The following ZMYND8 variants were observed in gnomAD, a reference collection of about 807,000 sequenced individuals.
ZMYND8 encodes the protein MYND-type zinc finger-containing chromatin reader ZMYND8.
ZMYND8 carries 37 observed loss-of-function variants against 140.8 expected under a neutral mutation model. The ratio of observed to expected loss-of-function variants is 0.26; its 90% CI spans 0.20 to 0.35. ZMYND8 has a LOEUF of 0.35. ZMYND8 is among the 10% of genes least tolerant of loss of function. The pLI is 1.00. For missense variants in ZMYND8, 1,068 were observed against 1,570.0 expected (o/e 0.68, Z 5.40); for synonymous variants, 592 against 597.1 (o/e 0.99, Z 0.12).
intron 16 of ZMYND8, among the ~76,000 whole-genome samples, chr20:47,236,044 G>A (rs1205220282): frequency 6.6e-6 from 1 of 152,234 alleles, no homozygotes; most frequent in East Asian, 1.9e-4. Context: ...GTGCCTTAAT[G>A]AGTGACTTGA....
chr20:47,269,508 C>T (rs2075779586), intron 11 of ZMYND8, among the ~76,000 whole-genome samples: 1 of 152,168 alleles, frequency 6.6e-6, no homozygotes, highest in Non-Finnish European at 1.5e-5. Context: ...TACATTTTGC[C>T]CAAAGGAAGA....
intron 14 of ZMYND8, among the ~76,000 whole-genome samples, chr20:47,244,553 G>A (rs926789487): frequency 8.5e-5 from 13 of 152,126 alleles, no homozygotes; most frequent in Admixed American, 6.5e-4. Context: ...GAATATAACC[G>A]TAGCCTCTGA....
At chr20:47,299,008 T>C in intron 3 of ZMYND8, 61 bp from the exon 4 acceptor site, 2 of 1,493,394 alleles carry the variant, frequency 1.3e-6, no homozygotes, top group Non-Finnish European at 9.3e-7. Context: ...TCAAAAGGAA[T>C]TTGAACAAGT....
At chr20:47,214,673 T>C (rs534774953) in intron 21 of ZMYND8, among the ~76,000 whole-genome samples, 16 of 152,266 alleles carry the variant, frequency 1.1e-4, no homozygotes, top group African/African-American at 3.8e-4. Flanking sequence ...TTTTGTACTT[T>C]TAGTAGAGAC....
intron 3 of ZMYND8, among the ~76,000 whole-genome samples, chr20:47,307,762 G>A (rs575985544): frequency 6.6e-6 from 1 of 151,982 alleles, no homozygotes; most frequent in East Asian, 1.9e-4. Context: ...GGGAGGCAAA[G>A]GTTGCAGAGA....
intron 1 of ZMYND8, among the ~76,000 whole-genome samples, chr20:47,349,435 C>T (rs1472730045): frequency 6.6e-6 from 1 of 152,164 alleles, no homozygotes; most frequent in Admixed American, 6.5e-5. Flanking sequence ...TTAAACACAT[C>T]GCTTATATGC....
intron 20 of ZMYND8, 143 bp downstream of exon 20, chr20:47,221,171 C>CCACA: frequency 8.6e-7 from 1 of 1,165,258 alleles, no homozygotes; most frequent in East Asian, 2.4e-5. Context: ...CTCCATGTTC[C>CCACA]CACACATCCA....
At chr20:47,248,213 T>C (rs2073888751) in intron 13 of ZMYND8, among the ~76,000 whole-genome samples, 1 of 152,194 alleles carries the variant, frequency 6.6e-6, no homozygotes, top group Admixed American at 6.5e-5. Flanking sequence ...AGACAATCTA[T>C]ATGCAGTGCT....
intron 9 of ZMYND8, among the ~76,000 whole-genome samples, chr20:47,282,468 TAATCCC>T (rs2076663614): frequency 6.6e-6 from 1 of 152,196 alleles, no homozygotes; most frequent in Non-Finnish European, 1.5e-5. Context: ...CTCACGCCTG[TAATCCC>T]AGCACTTTGG....
At chr20:47,235,821 G>A (rs537734206) in intron 16 of ZMYND8, among the ~76,000 whole-genome samples, 18 of 152,194 alleles carry the variant, frequency 1.2e-4, no homozygotes, top group Admixed American at 8.5e-4. Context: ...CCACTTAATG[G>A]GGACTGTGCC....
intron 12 of ZMYND8, among the ~76,000 whole-genome samples, chr20:47,255,696 T>C (rs1196864982): frequency 3.0e-5 from 4 of 131,284 alleles, no homozygotes; most frequent in Middle Eastern, 3.7e-3. Flanking sequence ...TGTGTATATA[T>C]ATATATATAT....
chr20:47,236,755 A>AC (rs1174301811), intron 15 of ZMYND8, among the ~76,000 whole-genome samples: 1 of 152,130 alleles, frequency 6.6e-6, no homozygotes, highest in Non-Finnish European at 1.5e-5. Context: ...TGCTAGGATG[A>AC]CCCCAACCCC....
intron 19 of ZMYND8, among the ~76,000 whole-genome samples, chr20:47,223,195 T>G (rs1600951297): frequency 6.6e-6 from 1 of 152,178 alleles, no homozygotes; most frequent in Non-Finnish European, 1.5e-5. Context: ...TTGCCACAAA[T>G]AAAAGCTAAT....
intron 2 of ZMYND8, among the ~76,000 whole-genome samples, chr20:47,321,779 C>A (rs1257825957): frequency 6.6e-6 from 1 of 151,830 alleles, no homozygotes; most frequent in East Asian, 1.9e-4. Context: ...GTTGTAACAG[C>A]TACCTTTTAT....
intron 2 of ZMYND8, among the ~76,000 whole-genome samples, chr20:47,315,326 T>C (rs1005888447): frequency 6.6e-6 from 1 of 152,124 alleles, no homozygotes; most frequent in African/African-American, 2.4e-5. Flanking sequence ...CTGTTTGCTG[T>C]TACAAACACC....
chr20:47,229,579 C>A (rs2147060426), intron 17 of ZMYND8, 147 bp downstream of exon 17: 1 of 687,026 alleles, frequency 1.5e-6, no homozygotes, highest in Non-Finnish European at 2.5e-6. Context: ...AAAAATACCC[C>A]CATCGATAAT....
At chr20:47,245,946 A>G (rs2040516356) in intron 14 of ZMYND8, 62 bp downstream of exon 14, 1 of 1,521,620 alleles carries the variant, frequency 6.6e-7, no homozygotes, top group African/African-American at 1.4e-5. Context: ...TTTTGATAGT[A>G]AGTGTACGAG....
intron 1 of ZMYND8, chr20:47,355,595 C>A (rs1014624849): frequency 3.0e-6 from 2 of 677,620 alleles, no homozygotes; most frequent in African/African-American, 2.0e-5. Context: ...ACAACACAAC[C>A]CAACAACTGA....
chr20:47,322,630 C>T (rs1046679177), intron 2 of ZMYND8, among the ~76,000 whole-genome samples: 3 of 151,564 alleles, frequency 2.0e-5, no homozygotes, highest in Non-Finnish European at 2.9e-5. Flanking sequence ...AGGATGGTCT[C>T]GATCTCCTGA....
Sources: allele counts gnomAD v4.1 joint callset (sites outside exome capture counted in the v4.1 genomes callset), GRCh38; gene constraint gnomAD v4.1.1; transcripts MANE v1.5; gene names NCBI Gene and HGNC (gene_info 2026-07-23, HGNC 2026-07-21).